The following SLC4A4 variants were observed in gnomAD, a reference collection of about 807,000 sequenced individuals.
SLC4A4 encodes electrogenic sodium bicarbonate cotransporter 1.
Under a neutral mutation model 111.5 loss-of-function variants are expected in SLC4A4, and 27 were observed. The observed-to-expected ratio is 0.24, with a 90% CI of 0.18 to 0.33. The LOEUF (loss-of-function observed/expected upper bound fraction) is 0.33, where lower values mean the gene tolerates loss of function less well. SLC4A4 is among the 10% of genes least tolerant of loss of function. The pLI is 1.00. For synonymous variants in SLC4A4, 443 were observed against 463.4 expected (o/e 0.96, Z 0.57); for missense variants, 909 against 1,315.5 (o/e 0.69, Z 4.78).
intron 12 of SLC4A4, among the ~76,000 whole-genome samples, chr4:71,462,298 C>T (rs1178832014): frequency 6.6e-6 from 1 of 152,054 alleles, no homozygotes; most frequent in Non-Finnish European, 1.5e-5. Context: ...AAAGGTTACC[C>T]AGTTGGTCAC....
At chr4:71,561,179 C>CT (rs1228835823) in intron 23 of SLC4A4, among the ~76,000 whole-genome samples, 1 of 151,802 alleles carries the variant, frequency 6.6e-6, no homozygotes, top group African/African-American at 2.4e-5. Flanking sequence ...CTACTTAGTA[C>CT]TTGATAACTT....
intron 12 of SLC4A4, among the ~76,000 whole-genome samples, chr4:71,458,527 A>T (rs1457998261): frequency 6.6e-6 from 1 of 152,034 alleles, no homozygotes; most frequent in Non-Finnish European, 1.5e-5. Flanking sequence ...ATACAGTAAG[A>T]TTTTTAGATT....
intron 12 of SLC4A4, among the ~76,000 whole-genome samples, chr4:71,459,759 G>A (rs953565929): frequency 6.6e-6 from 1 of 151,954 alleles, no homozygotes. Context: ...CACTACACAA[G>A]GCTATACCAG....
At chr4:71,203,003 T>G (rs949668214) in intron 1 of SLC4A4, among the ~76,000 whole-genome samples, 1 of 152,150 alleles carries the variant, frequency 6.6e-6, no homozygotes, top group Non-Finnish European at 1.5e-5. Context: ...TTTTTCCTAT[T>G]GAGACTAAGA....
chr4:71,539,359 A>G (rs542125776), intron 18 of SLC4A4, among the ~76,000 whole-genome samples: 121 of 151,916 alleles, frequency 8.0e-4, no homozygotes, highest in African/African-American at 2.8e-3. Flanking sequence ...TTAAATCTTT[A>G]CCTCTCAAAG....
intron 2 of SLC4A4, among the ~76,000 whole-genome samples, chr4:71,143,192 T>G (rs1224807913): frequency 6.6e-6 from 1 of 151,992 alleles, no homozygotes; most frequent in Admixed American, 6.6e-5. Context: ...AGTGAGAACA[T>G]GCAGTGTTTG....
chr4:71,460,300 TC>T (rs1388327254), intron 12 of SLC4A4, among the ~76,000 whole-genome samples: 1 of 152,110 alleles, frequency 6.6e-6, no homozygotes, highest in Non-Finnish European at 1.5e-5. Context: ...TTTTTATCCA[TC>T]TGGAATTGGT....
At chr4:71,481,380 G>A (rs1728868954) in intron 14 of SLC4A4, among the ~76,000 whole-genome samples, 1 of 151,628 alleles carries the variant, frequency 6.6e-6, no homozygotes. Context: ...AGGAGCCATG[G>A]GGTAGTTCCT....
intron 16 of SLC4A4, among the ~76,000 whole-genome samples, chr4:71,510,317 G>A (rs573761239): frequency 9.2e-5 from 14 of 152,188 alleles, no homozygotes; most frequent in African/African-American, 2.6e-4. Flanking sequence ...CTGCTTCTCC[G>A]GATCTCTCCC....
chr4:71,098,761 T>C (rs1252554197), intron 2 of SLC4A4, among the ~76,000 whole-genome samples: 1 of 152,080 alleles, frequency 6.6e-6, no homozygotes, highest in Non-Finnish European at 1.5e-5. Context: ...AATAAAGGGA[T>C]GGAGGAAAAT....
At chr4:71,283,615 A>G (rs1012849416) in intron 3 of SLC4A4, among the ~76,000 whole-genome samples, 3 of 152,140 alleles carry the variant, frequency 2.0e-5, no homozygotes, top group Non-Finnish European at 4.4e-5. Context: ...CATTATTTCT[A>G]TATCTCCACT....
intron 2 of SLC4A4, among the ~76,000 whole-genome samples, chr4:71,253,019 C>T (rs537449892): frequency 4.6e-5 from 7 of 152,206 alleles, no homozygotes; most frequent in South Asian, 2.1e-4. Flanking sequence ...CAATTCTGAA[C>T]GCTCCCACAC....
At chr4:71,280,180 C>T (rs1163682651) in intron 3 of SLC4A4, among the ~76,000 whole-genome samples, 1 of 152,190 alleles carries the variant, frequency 6.6e-6, no homozygotes, top group Non-Finnish European at 1.5e-5. Flanking sequence ...TGATGTTGAA[C>T]ATTTTCAGAT....
At chr4:71,307,404 G>T (rs920216602) in intron 3 of SLC4A4, among the ~76,000 whole-genome samples, 2 of 152,186 alleles carry the variant, frequency 1.3e-5, no homozygotes, top group Non-Finnish European at 2.9e-5. Flanking sequence ...GAAAACACAG[G>T]TGTTGTCTGG....
chr4:71,252,311 G>C (rs537782099), intron 2 of SLC4A4, among the ~76,000 whole-genome samples: 1 of 152,296 alleles, frequency 6.6e-6, no homozygotes, highest in South Asian at 2.1e-4. Flanking sequence ...CAGCATGTCT[G>C]TATTACCCCA....
chr4:71,334,648 A>G (rs1489925904), intron 3 of SLC4A4, among the ~76,000 whole-genome samples: 1 of 152,160 alleles, frequency 6.6e-6, no homozygotes, highest in Non-Finnish European at 1.5e-5. Flanking sequence ...AAATTGATAT[A>G]CTGGTTGCTC....
At chr4:71,267,886 A>G (rs1052188137) in intron 3 of SLC4A4, among the ~76,000 whole-genome samples, 1 of 151,572 alleles carries the variant, frequency 6.6e-6, no homozygotes, top group African/African-American at 2.4e-5. Flanking sequence ...AAGCACATCT[A>G]TATATAAGGC....
intron 16 of SLC4A4, among the ~76,000 whole-genome samples, chr4:71,527,928 G>A (rs1026693165): frequency 1.3e-5 from 2 of 152,036 alleles, no homozygotes; most frequent in African/African-American, 2.4e-5. Flanking sequence ...GGAAAGAAGA[G>A]ACCAAAGTCT....
At chr4:71,425,248 C>A (rs775840146) in intron 7 of SLC4A4, among the ~76,000 whole-genome samples, 16 of 152,072 alleles carry the variant, frequency 1.1e-4, no homozygotes, top group Non-Finnish European at 2.1e-4. Context: ...GCCAAGGAAC[C>A]CTTTATTGTT....
Sources: gnomAD v4.1 joint callset for allele counts (sites outside exome capture counted in the v4.1 genomes callset) on GRCh38, gnomAD v4.1.1 for gene constraint, MANE v1.5 for transcripts, NCBI Gene and HGNC (gene_info 2026-07-23, HGNC 2026-07-21) for gene names.